Variants in CFAP43 observed in about 807,000 individuals in gnomAD.
CFAP43 encodes the protein cilia- and flagella-associated protein 43.
CFAP43 carries 155 observed loss-of-function variants against 218.9 expected under a neutral mutation model. The ratio of observed to expected loss-of-function variants is 0.71; its 90% CI spans 0.62 to 0.81. The LOEUF (loss-of-function observed/expected upper bound fraction) is 0.81, where lower values mean the gene tolerates loss of function less well. Among genes scored for constraint, CFAP43 ranks in the 30% least tolerant of loss-of-function variants. The pLI, the probability that CFAP43 is intolerant of heterozygous loss-of-function variation, is 0.00. For synonymous variants in CFAP43, 645 were observed against 681.3 expected (o/e 0.95, Z 0.83); for missense variants, 1,778 against 1,954.3 (o/e 0.91, Z 1.70).
At chr10:104,132,058 C>G in intron 36 of CFAP43, 58 bp downstream of exon 36, 1 of 1,319,142 alleles carries the variant, frequency 7.6e-7, no homozygotes, top group South Asian at 1.4e-5. Flanking sequence ...AACACTATTA[C>G]TTTGCTCAAA....
intron 29 of CFAP43, 22 bp downstream of exon 29, chr10:104,147,869 A>G (rs199779946): frequency 5.3e-5 from 81 of 1,530,086 alleles, no homozygotes; most frequent in Middle Eastern, 1.7e-4. Context: ...GCTTGTATTC[A>G]GATTTCAGAC....
chr10:104,201,287 TC>T (rs1474471194), intron 8 of CFAP43, among the ~76,000 whole-genome samples: 1 of 152,216 alleles, frequency 6.6e-6, no homozygotes, highest in Non-Finnish European at 1.5e-5. Flanking sequence ...CCACTGGTTT[TC>T]TTTTGGTTAA....
intron 28 of CFAP43, 143 bp downstream of exon 28, chr10:104,152,464 G>A (rs889250134): frequency 5.4e-6 from 6 of 1,119,140 alleles, no homozygotes; most frequent in South Asian, 1.5e-5. Flanking sequence ...AGGGGAAGGT[G>A]CACAAGATGA....
Position 104,146,356 on chromosome 10 carries a change from C to T in CFAP43, c.3769-7G>A. 1 of 1,611,374 alleles carries T rather than the reference C, an allele frequency of 6.2e-7. No individual in the cohort carries two copies. Among genetic ancestry groups the T allele is most frequent in the South Asian group, 1.1e-5 (1 of 91,000 alleles). On this transcript the variant is annotated splice_polypyrimidine_tract_variant and splice_region_variant and intron_variant, in intron 29 of 37. Transcript: ENST00000357060. ...CAGCTTCTGAAGTCTGGCTCTATAA[C>T]AGCATCAGGAATAGTTGATTGAAAC...
At chr10:104,181,885 C>G (rs1483518856) in intron 17 of CFAP43, among the ~76,000 whole-genome samples, 1 of 152,156 alleles carries the variant, frequency 6.6e-6, no homozygotes, top group Admixed American at 6.6e-5. Flanking sequence ...ATCTGTTTCT[C>G]CCTGCCCATC....
rs550532749 is a variant in CFAP43 at position 104,185,183 on chromosome 10, T to C, written c.2011-37A>G. 3.4e-5 allele frequency: 55 copies of C among 1,611,536 alleles called. No homozygotes were observed. The South Asian group carries it at 4.7e-4, about 14-fold the overall frequency. On this transcript the variant is annotated intron_variant, in intron 15 of 37. Transcript: ENST00000357060. ...AGAAATAAACCAGAAAAATTACAAA[T>C]GCAATTCTACCACACGGCTTTTCTA...
At chr10:104,134,906 G>C (rs1420913043) in intron 34 of CFAP43, among the ~76,000 whole-genome samples, 1 of 152,100 alleles carries the variant, frequency 6.6e-6, no homozygotes, top group Admixed American at 6.6e-5. Flanking sequence ...TGATACCAAA[G>C]CCAGAGAAAG....
At chr10:104,210,680 A>G (rs964934728) in intron 5 of CFAP43, among the ~76,000 whole-genome samples, 2 of 150,768 alleles carry the variant, frequency 1.3e-5, no homozygotes, top group Non-Finnish European at 2.9e-5. Flanking sequence ...CACTTCATTT[A>G]TCATGCTCCA....
At chr10:104,218,766 C>A (rs1425420834) in intron 3 of CFAP43, 3 of 546,578 alleles carry the variant, frequency 5.5e-6, no homozygotes. Flanking sequence ...CCCATTGGCT[C>A]CCAAAATACA....
intron 29 of CFAP43, 53 bp from the exon 30 acceptor site, chr10:104,146,402 CAA>C: frequency 7.3e-7 from 1 of 1,376,082 alleles, no homozygotes; most frequent in African/African-American, 1.4e-5. Flanking sequence ...CCAGCATAAA[CAA>C]AAATATTGGG....
chr10:104,199,932 T>C (rs7086515), intron 8 of CFAP43, among the ~76,000 whole-genome samples: 13,629 of 152,092 alleles, frequency 0.09, 977 homozygotes, highest in African/African-American at 0.21. Context: ...CACTTAGAAT[T>C]AAATAAGTTT....
intron 3 of CFAP43, among the ~76,000 whole-genome samples, chr10:104,215,508 C>T (rs2090988947): frequency 6.6e-6 from 1 of 152,158 alleles, no homozygotes; most frequent in South Asian, 2.1e-4. Context: ...CTGGCAAAGA[C>T]CGTCATCCCT....
chr10:104,221,257 G>A (rs11815003), intron 3 of CFAP43, among the ~76,000 whole-genome samples: 18,348 of 152,226 alleles, frequency 0.12, 2,217 homozygotes, highest in African/African-American at 0.32. Flanking sequence ...TTACAGGCGT[G>A]AGCCACCATG....
intron 3 of CFAP43, among the ~76,000 whole-genome samples, chr10:104,220,062 A>G (rs1207646384): frequency 2.0e-5 from 3 of 152,202 alleles, no homozygotes; most frequent in Non-Finnish European, 4.4e-5. Flanking sequence ...CCCTAATCCA[A>G]TAAGTCTGGT....
Position 104,172,484 on chromosome 10 carries a change from C to A in CFAP43, c.2512G>T (p.Asp838Tyr). 1 of 1,607,118 alleles carries A rather than the reference C, an allele frequency of 6.2e-7. No individual in the cohort carries two copies. The highest frequency in any genetic ancestry group is 1.1e-5 in the South Asian group (1 of 88,784). The change falls in exon 20 of 38, where the codon GAC (aspartate) becomes TAC (tyrosine). Residue 838 changes from aspartate to tyrosine, a missense_variant. Coordinates refer to ENST00000357060, the MANE Select transcript of CFAP43 (RefSeq NM_025145.7). ...NDKLENIAKL[D>Y]QQEFGLDLEE... ...AGATCCAGACCAAATTCCTGTTGGT[C>A]TAATTTTGCAATATTTTCTAGTTTG... is the stretch of plus-strand genomic sequence containing the variant.
Position 104,130,058 on chromosome 10 carries a change from G to A in CFAP43, c.*81C>T. ...ACATGCTACTTCAATTTCCCAGTAA[G>A]AAAGAAAAGGAAATCATTTTACCCA... On this transcript the variant is annotated 3_prime_UTR_variant, in exon 38 of 38. Transcript: ENST00000357060. 1 of 1,444,536 alleles carries A rather than the reference G, an allele frequency of 6.9e-7. No individual in the cohort carries two copies. Among genetic ancestry groups the A allele is most frequent in the Non-Finnish European group, 9.2e-7 (1 of 1,090,370 alleles). 89.5% of individuals were successfully genotyped at this position (1,444,536 alleles called of 1,614,324 possible). A position where few individuals can be genotyped will look rare whatever the true frequency, so the allele number is the denominator to read the frequency against.
intron 19 of CFAP43, among the ~76,000 whole-genome samples, chr10:104,175,896 T>C (rs12765998): frequency 0.051 from 7,757 of 152,320 alleles, 245 homozygotes; most frequent in South Asian, 0.13. Flanking sequence ...AGTTTTATCA[T>C]ACATACTTAT....
intron 30 of CFAP43, among the ~76,000 whole-genome samples, chr10:104,145,784 T>A (rs116725458): frequency 1.3e-5 from 2 of 152,238 alleles, no homozygotes; most frequent in Non-Finnish European, 2.9e-5. Context: ...TTATTTCATA[T>A]AACAGGTCTT....
chr10:104,132,860 G>A (rs2134726094), intron 35 of CFAP43: 1 of 892,456 alleles, frequency 1.1e-6, no homozygotes, highest in South Asian at 5.2e-5. Flanking sequence ...TAGATAACAT[G>A]TCCTAGTCTT....
Sources: gnomAD v4.1 joint callset for allele counts (sites outside exome capture counted in the v4.1 genomes callset) on GRCh38, gnomAD v4.1.1 for gene constraint, MANE v1.5 for transcripts, NCBI Gene and HGNC (gene_info 2026-07-23, HGNC 2026-07-21) for gene names.